The following SH3TC1 variants were observed in gnomAD, a reference collection of about 807,000 sequenced individuals.
The protein encoded by SH3TC1 is SH3 domain and tetratricopeptide repeat-containing protein 1.
In SH3TC1, 135 loss-of-function variants were observed where a neutral mutation model predicts 117.3. The ratio of observed to expected loss-of-function variants is 1.15; its 90% confidence interval spans 1.00 to 1.33. SH3TC1 has a LOEUF of 1.33. Ranked by LOEUF, SH3TC1 falls within the 40% of genes most tolerant of loss-of-function variation. The pLI is 0.00. For missense variants in SH3TC1, 2,092 were observed against 1,794.3 expected, an observed-to-expected ratio of 1.17 and a Z score of -3.00; for synonymous variants, 898 against 816.9, an observed-to-expected ratio of 1.10 and a Z score of -1.69.
intron 1 of SH3TC1, chr4:8,204,849 G>A (rs113466842): frequency 0.011 from 2,441 of 215,216 alleles, 70 homozygotes; most frequent in African/African-American, 0.052. Flanking sequence ...GGCAGTGACC[G>A]GCTCCTGAGG....
At chr4:8,184,783 G>T (rs1268662974) in intron 1 of SH3TC1, among the ~76,000 whole-genome samples, 1 of 152,064 alleles carries the variant, frequency 6.6e-6, no homozygotes, top group East Asian at 1.9e-4. Context: ...CAGTGAGATT[G>T]TCGTATACAT....
upstream of SH3TC1, chr4:8,199,288 C>T (rs1717675977): frequency 6.6e-6 from 1 of 152,280 alleles, no homozygotes; most frequent in African/African-American, 2.4e-5. Flanking sequence ...CCTGCCTGCT[C>T]CGTCCAGCTG....
chr4:8,214,669 G>A, intron 5 of SH3TC1, 89 bp downstream of exon 5: 5 of 976,396 alleles, frequency 5.1e-6, no homozygotes, highest in Non-Finnish European at 7.9e-6. Context: ...ACAAACTGGT[G>A]CTTTGTTTAT....
chr4:8,187,992 C>G (rs1327272679), intron 1 of SH3TC1, among the ~76,000 whole-genome samples: 12 of 152,212 alleles, frequency 7.9e-5, no homozygotes, highest in Non-Finnish European at 1.5e-5. Context: ...TTTCGGGGAT[C>G]TATTGATCCA....
In SH3TC1 at chr4:8,209,174, C is replaced by T. The variant is rs1024054518; in HGVS notation, c.173-574C>T. 2.0e-5 allele frequency among the ~76,000 whole-genome samples: 3 copies of T among 152,230 alleles called. No individual in the cohort carries two copies. The highest frequency in any genetic ancestry group is 2.9e-5 in the Non-Finnish European group (2 of 68,048). On this transcript the variant is annotated intron_variant, in intron 2 of 17. Transcript: ENST00000245105. This position sits in a 1 kb window ranked among gnomAD's most constrained non-coding sequence, Gnocchi z 5.9. ...ATGCCCATGTCCTTATCCCCACGAC[C>T]TACGCCTGCATTACCTCATCCAGCA... is the stretch of plus-strand genomic sequence containing the variant.
chr4:8,233,948 A>G (rs1490422322), intron 14 of SH3TC1, among the ~76,000 whole-genome samples: 5 of 136,654 alleles, frequency 3.7e-5, no homozygotes, highest in African/African-American at 1.4e-4. Context: ...CCAATCACCC[A>G]TCAATCCATC....
At chr4:8,230,783 C>CTTTTTTTTT (rs59242411) in intron 12 of SH3TC1, among the ~76,000 whole-genome samples, 17 of 134,154 alleles carry the variant, frequency 1.3e-4, no homozygotes, top group Non-Finnish European at 2.3e-4. Context: ...ATATGCTGTG[C>CTTTTTTTTT]TTTTTTTTTT....
rs1328997495 is a variant in SH3TC1, at chr4:8,183,924, G to A, written c.-57+1714G>A. 2.6e-5 allele frequency among the ~76,000 whole-genome samples: 4 copies of A among 152,094 alleles called. No homozygotes were observed. Among genetic ancestry groups the A allele is most frequent in the Admixed American group, 2.6e-4 (4 of 15,282 alleles). The stretch of plus-strand genomic sequence containing the variant: ...TCACCACCATGCCCAACTAATTTTT[G>A]TATTTTTAGTAGATACGGGGTTTCA... On this transcript the variant is annotated intron_variant, in intron 1 of 16. Transcript: ENST00000508641. The surrounding 1 kb of genome is among the most constrained non-coding windows in gnomAD (Gnocchi z 5.4).
chr4:8,201,989 G>A (rs961004912), intron 1 of SH3TC1, among the ~76,000 whole-genome samples: 1 of 152,214 alleles, frequency 6.6e-6, no homozygotes, highest in Non-Finnish European at 1.5e-5. Flanking sequence ...GGACTCCAAG[G>A]TCAGGCGTTC....
chr4:8,221,527 G>A (rs955946086), intron 9 of SH3TC1, among the ~76,000 whole-genome samples: 12 of 151,206 alleles, frequency 7.9e-5, no homozygotes, highest in African/African-American at 2.7e-4. Context: ...ATTCCCACAC[G>A]CCCTCACCCA....
At chr4:8,232,669 T>C in intron 13 of SH3TC1, 1 of 1,292,490 alleles carries the variant, frequency 7.7e-7, no homozygotes, top group South Asian at 1.2e-5. Context: ...CATCCTGACC[T>C]GGTGGGGTAA....
Position 8,233,418 on chromosome 4 carries a change from C to T in SH3TC1, c.3187C>T (p.Leu1063Phe). 6.2e-7 allele frequency: 1 copy of T among 1,613,878 alleles called. No individual in the cohort carries two copies. The highest frequency in any genetic ancestry group is 1.1e-5 in the South Asian group (1 of 91,030). The change falls in exon 14 of 18, where the codon CTC becomes TTC. Residue 1063 changes from leucine (L) to phenylalanine (F), a missense_variant. By Grantham distance (22) the Leu-to-Phe change is conservative. Transcript: ENST00000245105. ...ACGAAGTCTGGGGATTTTCATTGAC[C>T]TCCAGAAGAAAGAGAAGGAGGCGCA... ...TKRSLGIFID[L>F]QKKEKEAHAW...
Position 8,237,623 on chromosome 4 carries a change from G to T in SH3TC1, c.3706G>T (p.Val1236Leu). 3 of 1,611,812 alleles carry T rather than the reference G, an allele frequency of 1.9e-6. No homozygotes were observed. The highest frequency in any genetic ancestry group is 2.5e-6 in the Non-Finnish European group (3 of 1,179,216). Residue 1236 changes from valine to leucine, a missense_variant, in exon 17 of 18, where the codon GTG becomes TTG. By Grantham distance (32) the Val-to-Leu change is conservative (BLOSUM62 1). Coordinates refer to ENST00000245105, the MANE Select transcript of SH3TC1 (RefSeq NM_018986.5). ...GTTTGACGAGGAGACCCTCTACTAC[G>T]TGAAGGTGTACCTGGTGCTCGGTGA... ...LEFDEETLYYVKVYLVLGDII... is the reference protein window; with the variant it reads ...LEFDEETLYYLKVYLVLGDII...
At chr4:8,217,267 G>A in intron 7 of SH3TC1, 100 bp downstream of exon 7, 2 of 1,438,682 alleles carry the variant, frequency 1.4e-6, no homozygotes, top group Non-Finnish European at 1.9e-6. Flanking sequence ...GAATGGTGGG[G>A]GCCCCGGACA....
chr4:8,208,944 C>T (rs1670612277), intron 2 of SH3TC1, among the ~76,000 whole-genome samples: 1 of 152,190 alleles, frequency 6.6e-6, no homozygotes, highest in African/African-American at 2.4e-5. Flanking sequence ...AATCAGATCC[C>T]CCTGGATCCT....
At chr4:8,211,883 G>A (rs1718766637) in intron 3 of SH3TC1, among the ~76,000 whole-genome samples, 1 of 152,134 alleles carries the variant, frequency 6.6e-6, no homozygotes, top group Non-Finnish European at 1.5e-5. Flanking sequence ...GGTGCCACAG[G>A]GATGGCCCAG....
chr4:8,238,467 G>A (rs958447942), intron 17 of SH3TC1, among the ~76,000 whole-genome samples: 1 of 152,186 alleles, frequency 6.6e-6, no homozygotes, highest in Non-Finnish European at 1.5e-5. Context: ...GCACTGCATC[G>A]GTGCTCGTTG....
Position 8,225,046 on chromosome 4 carries a change from A to G in SH3TC1, c.1244-129A>G. The stretch of plus-strand genomic sequence containing the variant: ...CCAGCCCGCAACACCAGCACCCTGC[A>G]ACATCTCAGCCCTCAATACCTGCAC... On this transcript the variant is annotated intron_variant, in intron 10 of 17. Coordinates refer to ENST00000245105, the MANE Select transcript of SH3TC1 (RefSeq NM_018986.5). This position sits in a 1 kb window ranked among gnomAD's most constrained non-coding sequence, Gnocchi z 5.5. The G allele has an allele frequency of 1.8e-6, 2 of 1,136,472 alleles. No homozygotes were observed. Among genetic ancestry groups the G allele is most frequent in the Non-Finnish European group, 2.6e-6 (2 of 781,474 alleles). 70.4% of individuals were successfully genotyped at this position (1,136,472 alleles called of 1,614,324 possible).
upstream of SH3TC1, among the ~76,000 whole-genome samples, chr4:8,198,683 C>T (rs765202690): frequency 1.3e-5 from 2 of 152,192 alleles, no homozygotes; most frequent in African/African-American, 2.4e-5. Context: ...TTGGGACAGG[C>T]CAGGCTAGCA....
Sources: gnomAD v4.1 joint callset for allele counts (sites outside exome capture counted in the v4.1 genomes callset) on GRCh38, gnomAD v4.1.1 for gene constraint, Gnocchi (gnomAD v3.1) non-coding constraint, MANE v1.5 for transcripts, NCBI Gene and HGNC (gene_info 2026-07-23, HGNC 2026-07-21) for gene names.